Variants in MED13L observed in about 807,000 individuals in gnomAD.
MED13L encodes the protein mediator complex subunit 13L.
A neutral mutation model predicts 220.9 loss-of-function variants in MED13L; 7 were observed. The ratio of observed to expected loss-of-function variants is 0.03; its 90% confidence interval spans 0.02 to 0.06. The LOEUF is 0.06. Among genes scored for constraint, MED13L ranks in the 10% least tolerant of loss-of-function variants. The pLI, the probability that MED13L is intolerant of heterozygous loss-of-function variation, is 1.00. For synonymous variants in MED13L, 1,011 were observed against 1,015.2 expected, an observed-to-expected ratio of 1.00 and a Z score of 0.08; for missense variants, 1,965 against 2,760.5, an observed-to-expected ratio of 0.71 and a Z score of 6.46.
intron 2 of MED13L, among the ~76,000 whole-genome samples, chr12:116,167,188 G>A (rs1485396656): frequency 2.6e-5 from 4 of 152,052 alleles, no homozygotes; most frequent in Admixed American, 6.6e-5. Context: ...TCTTCAAAGA[G>A]CATAAATGTT....
intron 1 of MED13L, chr12:116,276,349 T>C (rs866761207): frequency 7.4e-4 from 479 of 646,296 alleles, no homozygotes; most frequent in Middle Eastern, 3.3e-3. Context: ...TGTGTGTGTG[T>C]GTGCGGATTC....
intron 2 of MED13L, chr12:116,174,421 T>C (rs1432878963): frequency 6.6e-6 from 1 of 151,734 alleles, no homozygotes. Flanking sequence ...ATCCATTTTC[T>C]ATGTAAAAGC....
intron 2 of MED13L, among the ~76,000 whole-genome samples, chr12:116,224,400 C>T (rs1022690775): frequency 8.5e-5 from 13 of 152,158 alleles, no homozygotes; most frequent in Non-Finnish European, 2.9e-5. Flanking sequence ...ATCAACTCGT[C>T]CTCAAGGCTC....
intron 2 of MED13L, among the ~76,000 whole-genome samples, chr12:116,188,485 G>A (rs1881045668): frequency 6.6e-6 from 1 of 152,140 alleles, no homozygotes; most frequent in Non-Finnish European, 1.5e-5. Context: ...AAGGGGAAAA[G>A]TAATTCACTT....
intron 4 of MED13L, among the ~76,000 whole-genome samples, chr12:116,038,068 G>C (rs912214609): frequency 2.0e-5 from 3 of 152,110 alleles, no homozygotes; most frequent in African/African-American, 7.2e-5. Context: ...GAATTCAATG[G>C]GGAGTGTGTC....
chr12:116,157,143 T>G (rs1339882408), intron 2 of MED13L, among the ~76,000 whole-genome samples: 1 of 152,198 alleles, frequency 6.6e-6, no homozygotes, highest in Non-Finnish European at 1.5e-5. Context: ...AAAAACTTTT[T>G]CATCTTTGTC....
intron 2 of MED13L, chr12:116,169,153 G>A (rs12423556): frequency 6.5e-6 from 1 of 153,528 alleles, no homozygotes; most frequent in African/African-American, 2.4e-5. Flanking sequence ...GATCCATTTA[G>A]GAATTTTGTG....
chr12:115,980,916 A>C lies in MED13L; in HGVS notation c.5198T>G (p.Leu1733Arg). 1 of 1,612,514 alleles carries C rather than the reference A, an allele frequency of 6.2e-7. No homozygotes were observed. The highest frequency in any genetic ancestry group is 8.5e-7 in the Non-Finnish European group (1 of 1,179,970). Reference sequence around the variant, plus strand: ...AACTTGCTCATCCTTCATTGTCTGCAGCATGTACTGGCAAGGCACAATCTA... The same window carrying C: ...AACTTGCTCATCCTTCATTGTCTGCCGCATGTACTGGCAAGGCACAATCTA... Reference protein sequence around the residue: ...ILQIVPCQYMLQTMKDEQVFY... With the variant: ...ILQIVPCQYMRQTMKDEQVFY... Residue 1733 changes from leucine to arginine, a missense_variant, in exon 23 of 31, where the codon CTG becomes CGG. Coordinates refer to ENST00000281928, the MANE Select transcript of MED13L (RefSeq NM_015335.5).
At position 116,191,439 on chromosome 12, in the gene MED13L, T is replaced by C. The variant is rs543402848; in HGVS notation, c.310+46029A>G. Among the ~76,000 whole-genome samples the C allele has an allele frequency of 4.6e-5, 7 of 152,170 alleles. No individual in the cohort carries two copies. The South Asian group carries it at 1.5e-3, about 32-fold the overall frequency. ...TCCACCCCCTGGGTTCAAGCAATTC[T>C]CCTGCCTCAGTCTACCTAGTGGCTG... On this transcript the variant is annotated intron_variant, in intron 2 of 30. Transcript: ENST00000281928.
At chr12:116,086,058 C>G (rs1479752389) in intron 4 of MED13L, among the ~76,000 whole-genome samples, 4 of 151,990 alleles carry the variant, frequency 2.6e-5, no homozygotes, top group Non-Finnish European at 1.5e-5. Flanking sequence ...TTGGGCGATC[C>G]CTACACAATT....
intron 2 of MED13L, among the ~76,000 whole-genome samples, chr12:116,113,221 G>C (rs1273955348): frequency 6.6e-6 from 1 of 152,124 alleles, no homozygotes. Flanking sequence ...GTGCCATAAA[G>C]AGTGCTGGTG....
At chr12:116,272,011 AATCTACTCT>A (rs553893065) in intron 1 of MED13L, among the ~76,000 whole-genome samples, 119 of 152,220 alleles carry the variant, frequency 7.8e-4, no homozygotes, top group South Asian at 1.9e-3. Flanking sequence ...TTTCAAAAAA[AATCTACTCT>A]ATCTTTGATT....
chr12:116,155,541 G>A (rs112678683), intron 2 of MED13L, among the ~76,000 whole-genome samples: 4 of 152,214 alleles, frequency 2.6e-5, no homozygotes, highest in Middle Eastern at 3.4e-3. Context: ...CCACAGTTCG[G>A]CCACACAATA....
At chr12:116,170,581 C>A (rs1046734785) in intron 2 of MED13L, among the ~76,000 whole-genome samples, 4 of 149,528 alleles carry the variant, frequency 2.7e-5, no homozygotes, top group Non-Finnish European at 4.4e-5. Flanking sequence ...AAATTTCACA[C>A]AAGTAATCAT....
intron 22 of MED13L, among the ~76,000 whole-genome samples, chr12:115,981,472 T>C (rs1194087085): frequency 6.6e-6 from 1 of 152,212 alleles, no homozygotes; most frequent in Admixed American, 6.5e-5. Context: ...GTTTTTCATC[T>C]ATATAGAATT....
At chr12:116,254,473 G>T (rs527449774) in intron 1 of MED13L, among the ~76,000 whole-genome samples, 1 of 152,154 alleles carries the variant, frequency 6.6e-6, no homozygotes, top group South Asian at 2.1e-4. Context: ...AAATGGCCAG[G>T]TGCAGTGGCT....
intron 2 of MED13L, among the ~76,000 whole-genome samples, chr12:116,131,049 T>TTATTTAAAA (rs1351247057): frequency 3.9e-5 from 6 of 152,172 alleles, no homozygotes; most frequent in Non-Finnish European, 8.8e-5. Flanking sequence ...AAGTATACAT[T>TTATTTAAAA]GTGGGCTTGG....
chr12:115,980,029 T>A (rs1877215136), intron 23 of MED13L, among the ~76,000 whole-genome samples: 1 of 152,170 alleles, frequency 6.6e-6, no homozygotes, highest in South Asian at 2.1e-4. Flanking sequence ...TCTAAGTATG[T>A]GCATCACAAA....
chr12:116,249,773 A>G (rs1441264088), intron 1 of MED13L, among the ~76,000 whole-genome samples: 3 of 149,650 alleles, frequency 2.0e-5, no homozygotes, highest in Non-Finnish European at 3.0e-5. Context: ...CAGGGCTTTA[A>G]AACATACGAT....
Sources: gnomAD v4.1 joint callset for allele counts (sites outside exome capture counted in the v4.1 genomes callset) on GRCh38, gnomAD v4.1.1 for gene constraint, MANE v1.5 for transcripts, NCBI Gene and HGNC (gene_info 2026-07-23, HGNC 2026-07-21) for gene names.